Variants in NKAIN2 observed in about 807,000 individuals in gnomAD.
The protein encoded by NKAIN2 is sodium/potassium transporting ATPase interacting 2.
In NKAIN2, 14 loss-of-function variants were observed where a neutral mutation model predicts 32.6. The observed-to-expected ratio is 0.43, with a 90% CI of 0.28 to 0.67. The LOEUF (loss-of-function observed/expected upper bound fraction) is 0.67. Ranked by LOEUF, NKAIN2 falls within the 30% of genes least tolerant of loss-of-function variation. NKAIN2 has a pLI of 0.17. For synonymous variants in NKAIN2, 80 were observed against 87.2 expected, an observed-to-expected ratio of 0.92 and a Z score of 0.46; for missense variants, 198 against 258.3, an observed-to-expected ratio of 0.77 and a Z score of 1.60.
chr6:124,308,705 G>T (rs1360360176), intron 2 of NKAIN2, among the ~76,000 whole-genome samples: 1 of 151,998 alleles, frequency 6.6e-6, no homozygotes, highest in South Asian at 2.1e-4. Context: ...CCATTTTATG[G>T]TGCTAGTTGG....
chr6:124,088,319 G>T (rs1271274732), intron 1 of NKAIN2, among the ~76,000 whole-genome samples: 1 of 151,928 alleles, frequency 6.6e-6, no homozygotes, highest in Non-Finnish European at 1.5e-5. Flanking sequence ...TACTCGGGAG[G>T]CTGAGACAAA....
intron 4 of NKAIN2, among the ~76,000 whole-genome samples, chr6:124,777,640 T>C (rs1234949862): frequency 6.6e-6 from 1 of 152,132 alleles, no homozygotes; most frequent in African/African-American, 2.4e-5. Flanking sequence ...TTTAGGAAGT[T>C]GTGAAGGTTG....
At chr6:124,227,363 T>C (rs967590008) in intron 1 of NKAIN2, among the ~76,000 whole-genome samples, 8 of 152,216 alleles carry the variant, frequency 5.3e-5, no homozygotes, top group Non-Finnish European at 8.8e-5. Context: ...AGCTATAACA[T>C]TGCTGTTTTG....
intron 1 of NKAIN2, among the ~76,000 whole-genome samples, chr6:123,989,356 A>C (rs1779315924): frequency 6.6e-6 from 1 of 152,188 alleles, no homozygotes; most frequent in Non-Finnish European, 1.5e-5. Flanking sequence ...TTGGCATATA[A>C]TTGAGAAGTA....
chr6:123,982,659 C>A (rs1778951146), intron 1 of NKAIN2, among the ~76,000 whole-genome samples: 2 of 151,850 alleles, frequency 1.3e-5, no homozygotes, highest in African/African-American at 4.8e-5. Flanking sequence ...TAATGAGAGG[C>A]ATTAAATATA....
chr6:123,956,701 TTC>T (rs1416566202), intron 1 of NKAIN2, among the ~76,000 whole-genome samples: 4 of 152,132 alleles, frequency 2.6e-5, no homozygotes, highest in Non-Finnish European at 5.9e-5. Flanking sequence ...TTCATTCCAG[TTC>T]TGAGTCAGGA....
chr6:124,091,802 G>T (rs1784435808), intron 1 of NKAIN2, among the ~76,000 whole-genome samples: 1 of 151,772 alleles, frequency 6.6e-6, no homozygotes, highest in Non-Finnish European at 1.5e-5. Context: ...CATGTGCATT[G>T]AAGTCCACCT....
chr6:124,134,092 C>A (rs1786610758), intron 1 of NKAIN2, among the ~76,000 whole-genome samples: 2 of 146,586 alleles, frequency 1.4e-5, no homozygotes, highest in Non-Finnish European at 1.5e-5. Context: ...CTTGAGATAC[C>A]AAGAAAAAGG....
intron 3 of NKAIN2, among the ~76,000 whole-genome samples, chr6:124,406,689 CG>C (rs2114477076): frequency 6.6e-6 from 1 of 152,090 alleles, no homozygotes; most frequent in South Asian, 2.1e-4. Context: ...TACCATTTTA[CG>C]TTCTTACAAG....
chr6:124,405,980 G>A lies in NKAIN2; in HGVS notation c.273+50633G>A, dbSNP rs576314590. On this transcript the variant is annotated intron_variant, in intron 3 of 6. Transcript: ENST00000368417. Reference sequence around the variant, plus strand: ...GACTAGCTTGATGCAGTGTAAACCTGTACCCTTTACCCAATTCATTCATTA... The same window carrying A: ...GACTAGCTTGATGCAGTGTAAACCTATACCCTTTACCCAATTCATTCATTA... Among the ~76,000 whole-genome samples the A allele has an allele frequency of 7.1e-5, 10 of 141,056 alleles. No homozygotes were observed. The East Asian group carries it at 1.5e-3, about 22-fold the overall frequency. 92.5% of individuals were successfully genotyped at this position (141,056 alleles called of 152,430 possible).
chr6:123,942,583 G>T (rs1776871693), intron 1 of NKAIN2, among the ~76,000 whole-genome samples: 1 of 151,934 alleles, frequency 6.6e-6, no homozygotes, highest in African/African-American at 2.4e-5. Flanking sequence ...TTGCATGAAT[G>T]CCTTATTTAC....
intron 1 of NKAIN2, among the ~76,000 whole-genome samples, chr6:124,250,053 G>T (rs149206541): frequency 7.2e-5 from 11 of 152,208 alleles, no homozygotes; most frequent in African/African-American, 2.6e-4. Flanking sequence ...AGGTGATTAG[G>T]TCATGAGGAC....
intron 3 of NKAIN2, among the ~76,000 whole-genome samples, chr6:124,385,138 G>A (rs1275521518): frequency 3.3e-5 from 5 of 152,084 alleles, no homozygotes; most frequent in African/African-American, 4.8e-5. Flanking sequence ...GTTAAGTCAC[G>A]TGTCACAAAT....
At chr6:124,388,495 G>A (rs946253402) in intron 3 of NKAIN2, among the ~76,000 whole-genome samples, 10 of 151,986 alleles carry the variant, frequency 6.6e-5, no homozygotes, top group African/African-American at 2.2e-4. Flanking sequence ...CTACAGTAAT[G>A]TAATCTACCT....
At chr6:124,097,365 T>G (rs1784687390) in intron 1 of NKAIN2, among the ~76,000 whole-genome samples, 1 of 146,302 alleles carries the variant, frequency 6.8e-6, no homozygotes, top group Non-Finnish European at 1.5e-5. Context: ...ATCGCGCCAC[T>G]GCACTCTGGC....
chr6:124,749,416 C>A (rs1157849547), intron 4 of NKAIN2, among the ~76,000 whole-genome samples: 1 of 151,730 alleles, frequency 6.6e-6, no homozygotes, highest in Non-Finnish European at 1.5e-5. Flanking sequence ...AGGGGATGGA[C>A]GTATTTGGGG....
chr6:124,410,614 A>C (rs1449745090), intron 3 of NKAIN2, among the ~76,000 whole-genome samples: 1 of 152,222 alleles, frequency 6.6e-6, no homozygotes, highest in Non-Finnish European at 1.5e-5. Context: ...CTTTACTTCC[A>C]ACCATGTGGT....
At chr6:124,125,423 A>T (rs1226381583) in intron 1 of NKAIN2, among the ~76,000 whole-genome samples, 10 of 152,120 alleles carry the variant, frequency 6.6e-5, no homozygotes. Flanking sequence ...ATCAATTTTT[A>T]TCTGCTCCAT....
intron 1 of NKAIN2, among the ~76,000 whole-genome samples, chr6:123,886,554 A>G (rs1214908636): frequency 6.6e-6 from 1 of 152,172 alleles, no homozygotes; most frequent in African/African-American, 2.4e-5. Flanking sequence ...TACAACAAGC[A>G]TGTTAATTAT....
Sources: gnomAD v4.1 joint callset for allele counts (sites outside exome capture counted in the v4.1 genomes callset) on GRCh38, gnomAD v4.1.1 for gene constraint, MANE v1.5 for transcripts, NCBI Gene and HGNC (gene_info 2026-07-23, HGNC 2026-07-21) for gene names.